The following ATP8A2 variants were observed in gnomAD, a reference collection of about 807,000 sequenced individuals.
ATP8A2 encodes phospholipid-transporting ATPase IB.
In ATP8A2, 100 loss-of-function variants were observed where a neutral mutation model predicts 165.6. That is an observed-to-expected ratio of 0.60 (90% CI 0.51 to 0.71). The LOEUF (loss-of-function observed/expected upper bound fraction) is 0.71, where lower values mean the gene tolerates loss of function less well. ATP8A2 is among the 30% of genes least tolerant of loss of function. The pLI is 0.00. For missense variants in ATP8A2, 1,227 were observed against 1,479.5 expected (o/e 0.83, Z 2.80); for synonymous variants, 543 against 548.8 (o/e 0.99, Z 0.15).
intron 28 of ATP8A2, among the ~76,000 whole-genome samples, chr13:25,831,963 G>T (rs1951487657): frequency 6.6e-6 from 1 of 151,648 alleles, no homozygotes; most frequent in Non-Finnish European, 1.5e-5. Flanking sequence ...TTTTGAGACA[G>T]AGTTTCACTC....
At chr13:25,796,354 C>T (rs551550584) in intron 27 of ATP8A2, among the ~76,000 whole-genome samples, 22 of 152,282 alleles carry the variant, frequency 1.4e-4, no homozygotes, top group African/African-American at 5.3e-4. Flanking sequence ...CTAGTTACTG[C>T]TGGAAGTGCT....
chr13:25,576,498 C>A (rs1249330920), intron 19 of ATP8A2, among the ~76,000 whole-genome samples: 1 of 151,838 alleles, frequency 6.6e-6, no homozygotes, highest in Non-Finnish European at 1.5e-5. Flanking sequence ...GGTGGAGACT[C>A]ACTGAGGGCT....
intron 5 of ATP8A2, among the ~76,000 whole-genome samples, 186 bp downstream of exon 5, chr13:25,532,503 G>C (rs2038146778): frequency 6.6e-6 from 1 of 152,146 alleles, no homozygotes; most frequent in African/African-American, 2.4e-5. Context: ...AGTTTGAACA[G>C]CATTTGTGTA....
chr13:25,513,576 A>G (rs981628776), intron 2 of ATP8A2, among the ~76,000 whole-genome samples: 3 of 152,042 alleles, frequency 2.0e-5, no homozygotes, highest in Non-Finnish European at 2.9e-5. Flanking sequence ...AGAGGCTGCA[A>G]TCTCGGCACT....
At chr13:25,650,282 G>A (rs553932337) in intron 24 of ATP8A2, among the ~76,000 whole-genome samples, 3 of 152,172 alleles carry the variant, frequency 2.0e-5, no homozygotes, top group Non-Finnish European at 4.4e-5. Context: ...TCTGTGGATA[G>A]TTGCTAGTTG....
chr13:25,712,041 C>G (rs1471437937), intron 25 of ATP8A2, among the ~76,000 whole-genome samples: 1 of 152,084 alleles, frequency 6.6e-6, no homozygotes, highest in East Asian at 1.9e-4. Context: ...AAAAATGCCT[C>G]CTTATTTATT....
intron 30 of ATP8A2, among the ~76,000 whole-genome samples, chr13:25,848,211 G>A (rs1951917884): frequency 6.6e-6 from 1 of 152,248 alleles, no homozygotes; most frequent in African/African-American, 2.4e-5. Context: ...ATGTCTGCCT[G>A]TCTTACCATA....
At chr13:25,560,644 G>A (rs1272503135) in intron 15 of ATP8A2, among the ~76,000 whole-genome samples, 11 of 140,806 alleles carry the variant, frequency 7.8e-5, no homozygotes, top group South Asian at 2.4e-4. Context: ...AGGTTGCAGT[G>A]AGCCGAGATG....
Position 25,699,160 on chromosome 13 carries a change from A to G in ATP8A2, c.2212-13A>G. 7 of 1,518,298 alleles carry G rather than the reference A, an allele frequency of 4.6e-6. No homozygotes were observed. Among genetic ancestry groups the G allele is most frequent in the Non-Finnish European group, 6.2e-6 (7 of 1,130,604 alleles). 94.1% of individuals were successfully genotyped at this position (1,518,298 alleles called of 1,614,324 possible). A position where few individuals can be genotyped will look rare whatever the true frequency, so the allele number is the denominator to read the frequency against. On this transcript the variant is annotated splice_polypyrimidine_tract_variant and intron_variant, in intron 24 of 36. Transcript: ENST00000381655. ...CACAAAAAATGTGATTTTCCCCTATACTCTTGTTTCAGGCCACAAGGGCAG... is the reference window on the plus strand; with the variant it reads ...CACAAAAAATGTGATTTTCCCCTATGCTCTTGTTTCAGGCCACAAGGGCAG...
intron 1 of ATP8A2, among the ~76,000 whole-genome samples, chr13:25,402,100 C>T (rs2033656095): frequency 6.6e-6 from 1 of 152,066 alleles, no homozygotes; most frequent in East Asian, 1.9e-4. Flanking sequence ...CAAGAAGACT[C>T]CTAAGTGACT....
intron 24 of ATP8A2, among the ~76,000 whole-genome samples, chr13:25,629,995 G>A (rs1455528139): frequency 2.0e-5 from 3 of 152,044 alleles, no homozygotes; most frequent in Admixed American, 1.3e-4. Flanking sequence ...CTTTGTGTTG[G>A]CAATTTCTTT....
At chr13:25,413,280 T>TTTTTTTTTTTTTTTTTTG (rs2034028499) in intron 1 of ATP8A2, among the ~76,000 whole-genome samples, 1 of 58,118 alleles carries the variant, frequency 1.7e-5, no homozygotes, top group African/African-American at 1.6e-4. Context: ...TTTTCTTTGT[T>TTTTTTTTTTTTTTTTTTG]TTTTTTTTTT....
Position 25,608,534 on chromosome 13 carries a change from C to T in ATP8A2, c.2211+18835C>T, listed in dbSNP as rs114657997. Among the ~76,000 whole-genome samples, 1,462 of 152,170 alleles carry T rather than the reference C, an allele frequency of 9.6e-3. 27 individuals are homozygous for T. Among genetic ancestry groups the T allele is most frequent in the African/African-American group, 0.034 (1,407 of 41,494 alleles). On this transcript the variant is annotated intron_variant, in intron 24 of 36. Transcript: ENST00000381655. The stretch of plus-strand genomic sequence containing the variant: ...TGCCACAAAGGAAACGTCTAAGGTG[C>T]TAAGTATATATGGTTAGGAAAAATC...
At chr13:25,937,880 A>C (rs1271449271) in intron 33 of ATP8A2, among the ~76,000 whole-genome samples, 2 of 148,986 alleles carry the variant, frequency 1.3e-5, no homozygotes, top group African/African-American at 2.5e-5. Context: ...AAGACCAAAG[A>C]CATAGGAAAG....
At chr13:25,478,977 A>G (rs2036077684) in intron 2 of ATP8A2, among the ~76,000 whole-genome samples, 1 of 151,974 alleles carries the variant, frequency 6.6e-6, no homozygotes, top group Non-Finnish European at 1.5e-5. Context: ...CCTCCCAAGT[A>G]GCTGGGACTA....
intron 7 of ATP8A2, among the ~76,000 whole-genome samples, chr13:25,539,878 C>T (rs114006751): frequency 0.011 from 1,734 of 152,288 alleles, 33 homozygotes; most frequent in African/African-American, 0.04. Flanking sequence ...GCCTGTGCCT[C>T]GATCCTTCAA....
chr13:25,884,429 G>T (rs376606792), intron 33 of ATP8A2, among the ~76,000 whole-genome samples: 1 of 152,138 alleles, frequency 6.6e-6, no homozygotes, highest in Non-Finnish European at 1.5e-5. Flanking sequence ...CAGATCCCCC[G>T]CTTCTGCTCC....
chr13:25,799,160 C>A (rs78268314), intron 27 of ATP8A2, among the ~76,000 whole-genome samples: 1 of 151,668 alleles, frequency 6.6e-6, no homozygotes, highest in Admixed American at 6.6e-5. Context: ...TTGTAAAATG[C>A]GATAAGGCCA....
intron 32 of ATP8A2, 58 bp from the exon 33 acceptor site, chr13:25,862,243 G>A (rs1952377382): frequency 1.6e-6 from 2 of 1,240,028 alleles, no homozygotes; most frequent in African/African-American, 1.5e-5. Flanking sequence ...AAGTGGAGTT[G>A]GGGTGAATCT....
Sources: allele counts gnomAD v4.1 joint callset (sites outside exome capture counted in the v4.1 genomes callset), GRCh38; gene constraint gnomAD v4.1.1; transcripts MANE v1.5; gene names NCBI Gene and HGNC (gene_info 2026-07-23, HGNC 2026-07-21).